Variants in ABCA9 observed in about 807,000 individuals in gnomAD.
The protein encoded by ABCA9 is ATP-binding cassette sub-family A member 9.
ABCA9 carries 183 observed loss-of-function variants against 205.3 expected under a neutral mutation model. The ratio of observed to expected loss-of-function variants is 0.89; its 90% CI spans 0.79 to 1.01. The LOEUF (loss-of-function observed/expected upper bound fraction) is 1.01. Ranked by LOEUF, ABCA9 falls within the 50% of genes least tolerant of loss-of-function variation. The pLI, the probability that ABCA9 is intolerant of heterozygous loss-of-function variation, is 0.00. For missense variants in ABCA9, 1,805 were observed against 1,912.4 expected, an observed-to-expected ratio of 0.94 and a Z score of 1.05; for synonymous variants, 651 against 683.3, an observed-to-expected ratio of 0.95 and a Z score of 0.74.
intron 10 of ABCA9, among the ~76,000 whole-genome samples, chr17:69,029,966 C>A (rs2071106774): frequency 6.6e-6 from 1 of 152,104 alleles, no homozygotes; most frequent in Non-Finnish European, 1.5e-5. Flanking sequence ...ATAAAATAAT[C>A]TGTAGAACAA....
chr17:69,028,613 T>G lies in ABCA9; in HGVS notation c.1537A>C (p.Thr513Pro), dbSNP rs2071067733. 6.2e-7 allele frequency: 1 copy of G among 1,608,352 alleles called. No individual in the cohort carries two copies. Among genetic ancestry groups the G allele is most frequent in the Admixed American group, 1.7e-5 (1 of 59,192 alleles). Residue 513 changes from threonine to proline, a missense_variant, in exon 12 of 39, where the codon ACT becomes CCT. By Grantham distance (38) the Thr-to-Pro change is conservative. Transcript: ENST00000340001. ...GCTCCACTGTGACCAAGGAGGGCAGTGATCTGGCCTTCATATATGTCAAAC... is the reference window on the plus strand; with the variant it reads ...GCTCCACTGTGACCAAGGAGGGCAGGGATCTGGCCTTCATATATGTCAAAC... Reference protein sequence around the residue: ...VVFDIYEGQITALLGHSGAGK... With the variant: ...VVFDIYEGQIPALLGHSGAGK...
chr17:69,057,764 T>C (rs1028567762), intron 1 of ABCA9, among the ~76,000 whole-genome samples: 6 of 152,208 alleles, frequency 3.9e-5, no homozygotes, highest in African/African-American at 1.4e-4. Flanking sequence ...ACTTGTGGAT[T>C]CGACCAACTG....
chr17:68,997,006 C>G (rs554537741), intron 25 of ABCA9, among the ~76,000 whole-genome samples: 1 of 152,258 alleles, frequency 6.6e-6, no homozygotes, highest in Non-Finnish European at 1.5e-5. Flanking sequence ...TCTCAGCTCA[C>G]TGCAACCTCC....
rs375006520 is a variant in ABCA9 at position 68,983,860 on chromosome 17, C to T, written c.4500-11G>A. 1 of 1,614,056 alleles carries T rather than the reference C, an allele frequency of 6.2e-7. No individual in the cohort carries two copies. Among genetic ancestry groups the T allele is most frequent in the Non-Finnish European group, 8.5e-7 (1 of 1,180,000 alleles). ...ATGGAACCAATACATCTGAAGGTAA[C>T]AGAAGGATAAAGTCAAGCAAGAAAA... On this transcript the variant is annotated splice_polypyrimidine_tract_variant and intron_variant, in intron 35 of 38. Transcript: ENST00000340001.
chr17:69,038,426 T>C (rs11651852), intron 6 of ABCA9, among the ~76,000 whole-genome samples: 42,934 of 152,054 alleles, frequency 0.28, 7,690 homozygotes, highest in Non-Finnish European at 0.4. Flanking sequence ...TGCAAATCAA[T>C]AAATGTAATC....
At chr17:69,069,685 T>C in the ABCA9 span, among the ~76,000 whole-genome samples, 6 of 151,798 alleles carry the variant, frequency 4.0e-5, no homozygotes, top group African/African-American at 1.2e-4. Context: ...ATAGTTTAGT[T>C]CTTTTTCCAT....
At chr17:69,060,090 T>A (rs144923845) in intron 1 of ABCA9, among the ~76,000 whole-genome samples, 297 of 152,316 alleles carry the variant, frequency 1.9e-3, no homozygotes, top group Non-Finnish European at 3.2e-3. Flanking sequence ...AACAATTACA[T>A]AATCTCATTG....
At chr17:68,998,171 C>T (rs1337147207) in intron 25 of ABCA9, among the ~76,000 whole-genome samples, 3 of 152,198 alleles carry the variant, frequency 2.0e-5, no homozygotes, top group Non-Finnish European at 4.4e-5. Flanking sequence ...CACAGTTTGT[C>T]TATTCACCAT....
chr17:68,977,165 G>A (rs939523312), intron 37 of ABCA9, among the ~76,000 whole-genome samples: 44 of 152,178 alleles, frequency 2.9e-4, no homozygotes, highest in African/African-American at 1.1e-3. Context: ...AAAGGGAAAG[G>A]GGTTTCAAGG....
chr17:69,016,495 C>A, intron 21 of ABCA9, 105 bp from the exon 22 acceptor site: 2 of 1,012,532 alleles, frequency 2.0e-6, no homozygotes, highest in African/African-American at 3.4e-5. Flanking sequence ...TATAATAAGT[C>A]CCAAGCACTG....
At chr17:68,990,177 T>G (rs1460710758) in intron 29 of ABCA9, among the ~76,000 whole-genome samples, 2 of 152,222 alleles carry the variant, frequency 1.3e-5, no homozygotes, top group African/African-American at 2.4e-5. Flanking sequence ...CCAACAGATT[T>G]GATAAGACAC....
At chr17:68,988,562 G>A (rs759776734) in intron 31 of ABCA9, among the ~76,000 whole-genome samples, 2 of 152,164 alleles carry the variant, frequency 1.3e-5, no homozygotes, top group South Asian at 4.1e-4. Context: ...GGTTTTACTC[G>A]CTAATGGACT....
At chr17:69,062,157 C>T (rs544371767), upstream of ABCA9, among the ~76,000 whole-genome samples, 2 of 151,042 alleles carry the variant, frequency 1.3e-5, no homozygotes, top group South Asian at 2.1e-4. Flanking sequence ...AAAAAAAAGA[C>T]TTCTGATTGT....
Position 68,989,015 on chromosome 17 carries a change from C to A in ABCA9, c.4047+12G>T. ...TAGCACTAATGACCATATTCCTGTA[C>A]GTTTTACTGACCTGTCCTGCAGTTG... On this transcript the variant is annotated intron_variant, in intron 31 of 38. Coordinates refer to ENST00000340001, the MANE Select transcript of ABCA9 (RefSeq NM_080283.4). 1.9e-6 allele frequency: 3 copies of A among 1,559,246 alleles called. No homozygotes were observed. The highest frequency in any genetic ancestry group is 1.1e-5 in the South Asian group (1 of 89,438).
intron 12 of ABCA9, 103 bp from the exon 13 acceptor site, chr17:69,027,918 CA>C: frequency 2.1e-6 from 2 of 937,294 alleles, no homozygotes; most frequent in Non-Finnish European, 3.2e-6. Context: ...AGATTCATTT[CA>C]ACATTGTTTA....
chr17:69,025,934 T>TAC (rs1324787543), intron 16 of ABCA9, among the ~76,000 whole-genome samples: 2 of 151,930 alleles, frequency 1.3e-5, no homozygotes, highest in Non-Finnish European at 2.9e-5. Context: ...TAGCCAATAC[T>TAC]TAAAAAGTAG....
chr17:68,997,844 G>T (rs1314998180), intron 25 of ABCA9, among the ~76,000 whole-genome samples: 1 of 152,038 alleles, frequency 6.6e-6, no homozygotes, highest in East Asian at 1.9e-4. Flanking sequence ...TACTCTTGTT[G>T]TTGGACATTC....
intron 35 of ABCA9, 49 bp downstream of exon 35, chr17:68,984,007 T>G (rs2069147660): frequency 6.2e-7 from 1 of 1,610,842 alleles, no homozygotes; most frequent in Admixed American, 1.7e-5. Context: ...TAAACTTTGC[T>G]CACAGCACAC....
At chr17:68,998,205 A>G (rs2069700526) in intron 25 of ABCA9, among the ~76,000 whole-genome samples, 2 of 152,194 alleles carry the variant, frequency 1.3e-5, no homozygotes, top group Admixed American at 6.5e-5. Flanking sequence ...GTTGCTTCCA[A>G]GTTTTGACAA....
Sources: gnomAD v4.1 joint callset for allele counts (sites outside exome capture counted in the v4.1 genomes callset) on GRCh38, gnomAD v4.1.1 for gene constraint, MANE v1.5 for transcripts, NCBI Gene and HGNC (gene_info 2026-07-23, HGNC 2026-07-21) for gene names.